GET1: variants seen among roughly 807,000 people sequenced by gnomAD.
The protein encoded by GET1 is guided entry of tail-anchored proteins factor 1.
Under a neutral mutation model 22.6 loss-of-function variants are expected in GET1, and 20 were observed. That is an observed-to-expected ratio of 0.89 (90% CI 0.62 to 1.29). The LOEUF (loss-of-function observed/expected upper bound fraction) is 1.29. GET1 is among the 50% of genes most tolerant of loss of function. GET1 has a pLI of 0.00. For missense variants in GET1, 209 were observed against 219.9 expected, an observed-to-expected ratio of 0.95 and a Z score of 0.31; for synonymous variants, 92 against 83.8, an observed-to-expected ratio of 1.10 and a Z score of -0.53.
chr21:39,384,268 ATTTTT>A (rs1422834440), intron 1 of GET1, among the ~76,000 whole-genome samples: 1 of 150,464 alleles, frequency 6.6e-6, no homozygotes, highest in Non-Finnish European at 1.5e-5. Flanking sequence ...TATTATTATT[ATTTTT>A]TGAGACAGAG....
At chr21:39,411,760 G>T in intron 1 of GET1, 2 of 1,586,776 alleles carry the variant, frequency 1.3e-6, no homozygotes, top group Non-Finnish European at 1.7e-6. Context: ...TTAAGTATTC[G>T]ATGACTATAG....
At position 39,396,986 on chromosome 21, in the gene GET1, T is replaced by C. The variant is rs2038700190; in HGVS notation, c.*47T>C. The C allele has an allele frequency of 6.3e-7, 1 of 1,595,510 alleles. No individual in the cohort carries two copies. Among genetic ancestry groups the C allele is most frequent in the Non-Finnish European group, 8.6e-7 (1 of 1,164,902 alleles). ...CGAGGCTAAAAAACGGATTTCCTCT[T>C]CCTAGCTTAAAATCTGATTTACACT... On this transcript the variant is annotated 3_prime_UTR_variant, in exon 5 of 5. Coordinates refer to ENST00000649170, the MANE Select transcript of GET1 (RefSeq NM_004627.6).
downstream of GET1, chr21:39,410,358 G>A (rs564963276): frequency 2.5e-6 from 4 of 1,586,634 alleles, no homozygotes; most frequent in Admixed American, 7.0e-5. Flanking sequence ...GACTGATTTT[G>A]TTGAAGAAAC....
chr21:39,387,849 G>A, intron 1 of GET1: 1 of 985,358 alleles, frequency 1.0e-6, no homozygotes, highest in Non-Finnish European at 1.2e-6. Flanking sequence ...GCAGGCGGAG[G>A]AGACCTGTAA....
intron 1 of GET1, among the ~76,000 whole-genome samples, chr21:39,382,298 G>C (rs1320151964): frequency 6.6e-6 from 1 of 151,204 alleles, no homozygotes; most frequent in Non-Finnish European, 1.5e-5. Flanking sequence ...CAAGTGATCT[G>C]TGCTCCTTGG....
chr21:39,383,284 GTTTA>G (rs1178885837), intron 1 of GET1, among the ~76,000 whole-genome samples: 2 of 130,144 alleles, frequency 1.5e-5, no homozygotes, highest in African/African-American at 2.9e-5. Context: ...ATTTTATTTT[GTTTA>G]TTTATTTTTT....
intron 1 of GET1, among the ~76,000 whole-genome samples, chr21:39,389,861 C>T (rs1383909429): frequency 6.6e-6 from 1 of 152,160 alleles, no homozygotes; most frequent in Non-Finnish European, 1.5e-5. Flanking sequence ...CTGAATTCTT[C>T]TGGGAGGGGA....
chr21:39,410,219 A>G (rs1021497738), downstream of GET1: 2 of 1,310,874 alleles, frequency 1.5e-6, no homozygotes, highest in Admixed American at 1.8e-5. Flanking sequence ...TATTTTTGTT[A>G]AGACATGTTT....
chr21:39,397,120 C>G lies in GET1; in HGVS notation c.*181C>G, dbSNP rs1455418064. 1.5e-6 allele frequency: 1 copy of G among 653,516 alleles called. No homozygotes were observed. Among genetic ancestry groups the G allele is most frequent in the Non-Finnish European group, 2.6e-6 (1 of 387,606 alleles). 40.5% of individuals were successfully genotyped at this position (653,516 alleles called of 1,614,324 possible). On this transcript the variant is annotated 3_prime_UTR_variant, in exon 5 of 5. Transcript: ENST00000649170. ...CTTATAAGAATCACGATTTTCTACACCTGTCATTGAGCCAAGAAAGTCCAG... is the reference window on the plus strand; with the variant it reads ...CTTATAAGAATCACGATTTTCTACAGCTGTCATTGAGCCAAGAAAGTCCAG...
chr21:39,402,355 T>G (rs1477572628), downstream of GET1, among the ~76,000 whole-genome samples: 1 of 152,206 alleles, frequency 6.6e-6, no homozygotes, highest in African/African-American at 2.4e-5. Context: ...TCTGCCTGCC[T>G]CGGCCTCCCA....
intron 1 of GET1, among the ~76,000 whole-genome samples, chr21:39,386,938 G>A (rs979897082): frequency 2.0e-5 from 3 of 151,418 alleles, no homozygotes; most frequent in Non-Finnish European, 4.4e-5. Context: ...TCAACCTTTC[G>A]GGCTCAAGTG....
chr21:39,407,713 C>A (rs1473197059), downstream of GET1: 2 of 152,258 alleles, frequency 1.3e-5, no homozygotes, highest in Admixed American at 6.5e-5. Context: ...TTCCTCCTGT[C>A]TCCCTAATGC....
intron 2 of GET1, 132 bp downstream of exon 2, chr21:39,390,995 A>G (rs991639703): frequency 3.4e-5 from 34 of 994,504 alleles, no homozygotes; most frequent in Admixed American, 5.6e-5. Flanking sequence ...AGTTATCTGG[A>G]GGAAACTCAG....
intron 1 of GET1, among the ~76,000 whole-genome samples, chr21:39,420,504 C>T (rs1308184633): frequency 1.1e-5 from 1 of 88,934 alleles, no homozygotes; most frequent in African/African-American, 4.7e-5. Flanking sequence ...GCCTGGGTGA[C>T]AGAGCAAGAT....
intron 4 of GET1, among the ~76,000 whole-genome samples, chr21:39,403,187 T>C (rs2038881448): frequency 1.3e-5 from 2 of 152,218 alleles, no homozygotes; most frequent in Non-Finnish European, 2.9e-5. Flanking sequence ...TATTTCCCCT[T>C]ATGAGCCTGT....
chr21:39,394,214 C>T (rs1468565161), intron 4 of GET1, among the ~76,000 whole-genome samples: 1 of 152,016 alleles, frequency 6.6e-6, no homozygotes, highest in Non-Finnish European at 1.5e-5. Context: ...CCTGTAATTC[C>T]AGCTACTTGG....
chr21:39,426,039 G>T (rs2074640693), intron 1 of GET1: 1 of 152,274 alleles, frequency 6.6e-6, no homozygotes, highest in South Asian at 2.1e-4. Flanking sequence ...GAACATGTAA[G>T]TGGTAAAAAT....
chr21:39,400,724 T>C (rs1419383109), downstream of GET1, among the ~76,000 whole-genome samples: 1 of 152,142 alleles, frequency 6.6e-6, no homozygotes, highest in Non-Finnish European at 1.5e-5. Flanking sequence ...GTGGGTCGGC[T>C]TTCCTGCATG....
At chr21:39,426,137 C>T (rs373056787) in intron 1 of GET1, 5 of 152,302 alleles carry the variant, frequency 3.3e-5, no homozygotes, top group East Asian at 3.9e-4. Flanking sequence ...ATTCCCCAAA[C>T]GTGTCTGAGA....
Sources: allele counts gnomAD v4.1 joint callset (sites outside exome capture counted in the v4.1 genomes callset), GRCh38; gene constraint gnomAD v4.1.1; transcripts MANE v1.5; gene names NCBI Gene and HGNC (gene_info 2026-07-23, HGNC 2026-07-21).